NBEA: variants seen among roughly 807,000 people sequenced by gnomAD.
NBEA encodes the protein lysosomal-trafficking regulator 2.
Under a neutral mutation model 343.4 loss-of-function variants are expected in NBEA, and 44 were observed. That is an observed-to-expected ratio of 0.13 (90% CI 0.10 to 0.16). The LOEUF (loss-of-function observed/expected upper bound fraction) is 0.16. NBEA is among the 10% of genes least tolerant of loss of function. The pLI is 1.00. For missense variants in NBEA, 2,555 were observed against 3,631.3 expected (o/e 0.70, Z 7.62); for synonymous variants, 1,175 against 1,238.7 (o/e 0.95, Z 1.08).
At chr13:35,396,162 TG>T (rs1239772380) in intron 38 of NBEA, among the ~76,000 whole-genome samples, 1 of 152,214 alleles carries the variant, frequency 6.6e-6, no homozygotes, top group East Asian at 1.9e-4. Context: ...CCCAAGTAGC[TG>T]GGGTTGTAGG....
intron 49 of NBEA, among the ~76,000 whole-genome samples, chr13:35,633,815 C>T (rs1270144999): frequency 2.0e-5 from 3 of 151,950 alleles, no homozygotes; most frequent in Non-Finnish European, 2.9e-5. Context: ...ATATATGACA[C>T]CAAAACTATC....
At chr13:35,281,791 A>G (rs2035070469) in intron 34 of NBEA, among the ~76,000 whole-genome samples, 1 of 152,148 alleles carries the variant, frequency 6.6e-6, no homozygotes, top group African/African-American at 2.4e-5. Context: ...TAATTAGTAA[A>G]TATATTTATT....
In NBEA at chr13:35,220,148, T is replaced by A. The variant is rs574947580; in HGVS notation, c.5648+8969T>A. On this transcript the variant is annotated intron_variant, in intron 33 of 58. Coordinates refer to ENST00000379939, the MANE Select transcript of NBEA (RefSeq NM_001385012.1). The stretch of plus-strand genomic sequence containing the variant: ...GACAATGCATGGCCCTTCCTTACTC[T>A]AGTTTAACTTAATTTACCCCAAATT... 2.6e-5 allele frequency among the ~76,000 whole-genome samples: 4 copies of A among 152,270 alleles called. No homozygotes were observed. In the South Asian group the frequency reaches 8.3e-4, roughly 32 times the overall value.
chr13:35,445,782 T>TTA (rs71081255), intron 39 of NBEA, among the ~76,000 whole-genome samples: 7,633 of 112,266 alleles, frequency 0.068, 262 homozygotes, highest in Middle Eastern at 0.099. Context: ...ATATAAATGT[T>TTA]TATATATATA....
intron 40 of NBEA, among the ~76,000 whole-genome samples, chr13:35,469,262 TA>T (rs544894502): frequency 6.6e-6 from 1 of 152,282 alleles, no homozygotes; most frequent in African/African-American, 2.4e-5. Context: ...GTTTCTTTTT[TA>T]ATATAAAATG....
intron 38 of NBEA, among the ~76,000 whole-genome samples, chr13:35,425,141 A>G (rs1159520593): frequency 1.3e-5 from 2 of 151,802 alleles, no homozygotes; most frequent in Non-Finnish European, 2.9e-5. Flanking sequence ...TTGTGTCTCT[A>G]TTTCCTTCAG....
chr13:35,116,931 A>G (rs2066523811), intron 13 of NBEA, among the ~76,000 whole-genome samples: 1 of 151,266 alleles, frequency 6.6e-6, no homozygotes, highest in African/African-American at 2.5e-5. Flanking sequence ...TCTGTATACA[A>G]GTGACATAGA....
At chr13:35,073,173 G>T (rs2063949934) in intron 10 of NBEA, among the ~76,000 whole-genome samples, 1 of 152,056 alleles carries the variant, frequency 6.6e-6, no homozygotes, top group Admixed American at 6.6e-5. Flanking sequence ...CCCTCTATTT[G>T]AAAAATACAG....
chr13:34,973,830 C>G (rs2060077860), intron 1 of NBEA, among the ~76,000 whole-genome samples: 1 of 152,168 alleles, frequency 6.6e-6, no homozygotes, highest in Non-Finnish European at 1.5e-5. Flanking sequence ...CAGCCCCCTT[C>G]CCAGGGGTAT....
intron 41 of NBEA, among the ~76,000 whole-genome samples, chr13:35,487,485 A>G (rs1248685268): frequency 6.6e-6 from 1 of 151,894 alleles, no homozygotes; most frequent in Admixed American, 6.6e-5. Flanking sequence ...AGAACTCTGG[A>G]GGATAATGCA....
chr13:35,632,141 A>G (rs1465962587), intron 49 of NBEA, among the ~76,000 whole-genome samples: 2 of 152,334 alleles, frequency 1.3e-5, no homozygotes, highest in East Asian at 1.9e-4. Context: ...TTCAAGCATT[A>G]TAAAGAATAT....
chr13:35,054,643 C>CTTTTTTT (rs1186551019), intron 6 of NBEA, among the ~76,000 whole-genome samples: 26 of 117,454 alleles, frequency 2.2e-4, no homozygotes, highest in African/African-American at 4.1e-4. Flanking sequence ...GTTTTCTTTT[C>CTTTTTTT]TTTTTTTTTT....
intron 38 of NBEA, among the ~76,000 whole-genome samples, chr13:35,379,020 A>G (rs1289379274): frequency 6.6e-6 from 1 of 151,876 alleles, no homozygotes; most frequent in Non-Finnish European, 1.5e-5. Flanking sequence ...GTAACTGAAT[A>G]TATTTATTGT....
At chr13:35,154,043 A>G (rs1202232208) in intron 18 of NBEA, among the ~76,000 whole-genome samples, 1 of 152,188 alleles carries the variant, frequency 6.6e-6, no homozygotes, top group Non-Finnish European at 1.5e-5. Flanking sequence ...AAGTTGTGAA[A>G]TGCTGTTTAG....
At chr13:35,330,507 C>G (rs747427916) in intron 36 of NBEA, among the ~76,000 whole-genome samples, 50 of 151,926 alleles carry the variant, frequency 3.3e-4, no homozygotes, top group Non-Finnish European at 6.3e-4. Flanking sequence ...AGTGTTAATT[C>G]ACTCTCATCA....
Position 35,290,387 on chromosome 13 carries a change from A to G in NBEA, c.5777-2A>G. The G allele has an allele frequency of 6.3e-7, 1 of 1,598,156 alleles. No individual in the cohort carries two copies. Among genetic ancestry groups the G allele is most frequent in the Non-Finnish European group, 8.6e-7 (1 of 1,168,022 alleles). Reference sequence around the variant, plus strand: ...TTTTGTTTTAACCTTTCTTTGTTGTAGGCCTTGTTTGTATGAAGTCCAGCA... The same window carrying G: ...TTTTGTTTTAACCTTTCTTTGTTGTGGGCCTTGTTTGTATGAAGTCCAGCA... On this transcript the variant is annotated splice_acceptor_variant, in intron 34 of 58. Transcript: ENST00000379939. LOFTEE classifies it high-confidence loss of function.
chr13:35,529,939 T>C (rs1231586704), intron 41 of NBEA, among the ~76,000 whole-genome samples: 3 of 152,226 alleles, frequency 2.0e-5, no homozygotes, highest in Admixed American at 2.0e-4. Flanking sequence ...AAGAGGATTG[T>C]TTTTGAAGAT....
chr13:35,206,103 G>T (rs1237860880), intron 31 of NBEA, among the ~76,000 whole-genome samples: 1 of 152,048 alleles, frequency 6.6e-6, no homozygotes, highest in Non-Finnish European at 1.5e-5. Flanking sequence ...GAGATTTTTA[G>T]TAGGCATTTA....
Position 35,273,690 on chromosome 13 carries a change from C to T in NBEA, c.5777-16699C>T, listed in dbSNP as rs190411435. ...AAAATGATAAAGGGGATATCACCACCGTTCCTGCAGAAATACAAACTACCA... is the reference window on the plus strand; with the variant it reads ...AAAATGATAAAGGGGATATCACCACTGTTCCTGCAGAAATACAAACTACCA... On this transcript the variant is annotated intron_variant, in intron 34 of 58. Transcript: ENST00000379939. Among the ~76,000 whole-genome samples, 159 of 152,110 alleles carry T rather than the reference C, an allele frequency of 1.0e-3. 1 individual carries two copies. Among genetic ancestry groups the T allele is most frequent in the African/African-American group, 3.4e-3 (141 of 41,514 alleles).
Sources: gnomAD v4.1 joint callset for allele counts (sites outside exome capture counted in the v4.1 genomes callset) on GRCh38, gnomAD v4.1.1 for gene constraint, MANE v1.5 for transcripts, NCBI Gene and HGNC (gene_info 2026-07-23, HGNC 2026-07-21) for gene names.